CENPU: variants seen among roughly 807,000 people sequenced by gnomAD.
The protein encoded by CENPU is KSHV latent nuclear antigen interacting protein 1.
In CENPU, 46 loss-of-function variants were observed where a neutral mutation model predicts 56.7. The ratio of observed to expected loss-of-function variants is 0.81; its 90% CI spans 0.64 to 1.04. The LOEUF is 1.04. CENPU is among the 50% of genes least tolerant of loss of function. The pLI is 0.00. For synonymous variants in CENPU, 166 were observed against 163.0 expected (o/e 1.02, Z -0.14); for missense variants, 510 against 490.1 (o/e 1.04, Z -0.38).
intron 3 of CENPU, among the ~76,000 whole-genome samples, chr4:184,727,215 A>G (rs895173797): frequency 6.6e-6 from 1 of 152,148 alleles, no homozygotes; most frequent in Non-Finnish European, 1.5e-5. Context: ...AGAACCAACT[A>G]TTCTATGTTT....
intron 8 of CENPU, among the ~76,000 whole-genome samples, chr4:184,707,378 C>A (rs1354949772): frequency 6.6e-6 from 1 of 152,088 alleles, no homozygotes; most frequent in Non-Finnish European, 1.5e-5. Flanking sequence ...CCCCTGCCCC[C>A]TGCAGCAACT....
Position 184,698,587 on chromosome 4 carries a change from A to G in CENPU, c.987-784T>C, listed in dbSNP as rs181787764. Among the ~76,000 whole-genome samples, 292 of 152,164 alleles carry G rather than the reference A, an allele frequency of 1.9e-3. 1 individual carries two copies. The highest frequency in any genetic ancestry group is 0.017 in the Middle Eastern group (5 of 292). On this transcript the variant is annotated intron_variant, in intron 11 of 12. Transcript: ENST00000281453. ...TGCCTCAGCCTCTCGAGTAGCTGGG[A>G]TTACAGGTGCCCACACCACGCCCGG...
At position 184,694,423 on chromosome 4, in the gene CENPU, C is replaced by T. The variant is rs1192789863; in HGVS notation, c.*865G>A. On this transcript the variant is annotated 3_prime_UTR_variant, in exon 13 of 13. Coordinates refer to ENST00000281453, the MANE Select transcript of CENPU (RefSeq NM_024629.4). ...TGCATATTCACTTTAGTATCTGTCA[C>T]TTAATACCTTACTTCAACATAGAGT... The T allele has an allele frequency of 7.2e-7, 1 of 1,389,174 alleles. No individual in the cohort carries two copies. The highest frequency in any genetic ancestry group is 2.7e-5 in the East Asian group (1 of 37,232). The allele number at this position is 1,389,174 out of a possible 1,614,324, so 86.1% of individuals were successfully genotyped here.
Position 184,728,990 on chromosome 4 carries a change from C to G in CENPU, c.142G>C (p.Asp48His). The G allele has an allele frequency of 1.9e-6, 3 of 1,614,126 alleles. No homozygotes were observed. Among genetic ancestry groups the G allele is most frequent in the Non-Finnish European group, 2.5e-6 (3 of 1,180,020 alleles). The part of the protein sequence containing the change: ...CKPIDVFDFP[D>H]NSDVSSIGRL... ...CCAATGCTTGAGACATCAGAATTAT[C>G]AGGAAAGTCGAACACGTCAATAGGC... The change falls in exon 3 of 13, where the codon GAT (aspartate) becomes CAT (histidine). Residue 48 changes from aspartate (D) to histidine (H), a missense_variant. By Grantham distance (81) the Asp-to-His change is moderately conservative. Coordinates refer to ENST00000281453, the MANE Select transcript of CENPU (RefSeq NM_024629.4).
At position 184,733,877 on chromosome 4, in the gene CENPU, C is replaced by A. The variant is rs1579806480; in HGVS notation, c.47+139G>T. 4.4e-6 allele frequency: 5 copies of A among 1,142,396 alleles called. No individual in the cohort carries two copies. In the East Asian group the frequency reaches 9.5e-5, roughly 22 times the overall value. 70.8% of individuals were successfully genotyped at this position (1,142,396 alleles called of 1,614,324 possible). ...ATCCCCACTAGACTGAGGAGGAAGC[C>A]GGGGACCCGGGCGATTGGCCACTCG... On this transcript the variant is annotated intron_variant, in intron 1 of 12. Transcript: ENST00000281453.
chr4:184,698,506 A>G (rs1760417025), intron 11 of CENPU, among the ~76,000 whole-genome samples: 1 of 152,126 alleles, frequency 6.6e-6, no homozygotes, highest in Non-Finnish European at 1.5e-5. Context: ...CTGGGAGTGC[A>G]GTGGCGTGAT....
intron 8 of CENPU, among the ~76,000 whole-genome samples, chr4:184,702,973 T>C (rs1030028601): frequency 2.6e-5 from 4 of 152,198 alleles, no homozygotes; most frequent in Non-Finnish European, 2.9e-5. Context: ...CAACCCACAG[T>C]TGATGGGCAC....
chr4:184,730,772 C>T (rs971966705), intron 2 of CENPU, 148 bp downstream of exon 2: 1 of 539,436 alleles, frequency 1.9e-6, no homozygotes, highest in African/African-American at 2.0e-5. Context: ...ATCCACTATA[C>T]CGGAAAAAGT....
intron 12 of CENPU, among the ~76,000 whole-genome samples, chr4:184,696,411 C>G (rs1760313428): frequency 6.6e-6 from 1 of 152,172 alleles, no homozygotes; most frequent in Admixed American, 6.5e-5. Flanking sequence ...GTGTTCCAAA[C>G]AAGGCAGAGA....
intron 3 of CENPU, among the ~76,000 whole-genome samples, chr4:184,725,348 C>A (rs906450324): frequency 6.6e-6 from 1 of 152,194 alleles, no homozygotes; most frequent in African/African-American, 2.4e-5. Context: ...CTCTGCCGCC[C>A]AGCCTGGAGT....
intron 4 of CENPU, among the ~76,000 whole-genome samples, chr4:184,718,495 C>T (rs1044658421): frequency 2.6e-5 from 4 of 152,272 alleles, no homozygotes; most frequent in Non-Finnish European, 4.4e-5. Flanking sequence ...AGGAGGTGGA[C>T]GTAGGAGTGA....
chr4:184,733,050 C>G (rs1474993358), intron 1 of CENPU, among the ~76,000 whole-genome samples: 1 of 150,600 alleles, frequency 6.6e-6, no homozygotes, highest in African/African-American at 2.4e-5. Context: ...GAGGCATGAA[C>G]AGATTTCATG....
At chr4:184,697,288 G>A (rs1760372238) in intron 12 of CENPU, among the ~76,000 whole-genome samples, 1 of 152,152 alleles carries the variant, frequency 6.6e-6, no homozygotes, top group South Asian at 2.1e-4. Flanking sequence ...AGAAGAGGCT[G>A]GTCTTTCGAA....
intron 6 of CENPU, among the ~76,000 whole-genome samples, chr4:184,714,808 CATCAAAA>C (rs1378111846): frequency 6.6e-6 from 1 of 152,110 alleles, no homozygotes; most frequent in Non-Finnish European, 1.5e-5. Context: ...TTTAAAATTA[CATCAAAA>C]GTCAATGGAC....
intron 4 of CENPU, among the ~76,000 whole-genome samples, chr4:184,718,677 A>G (rs776433339): frequency 1.3e-5 from 2 of 152,198 alleles, no homozygotes; most frequent in Non-Finnish European, 2.9e-5. Context: ...TGTGGAGAGG[A>G]GAAACGGATT....
At chr4:184,727,386 T>G (rs980855642) in intron 3 of CENPU, among the ~76,000 whole-genome samples, 1 of 152,156 alleles carries the variant, frequency 6.6e-6, no homozygotes, top group South Asian at 2.1e-4. Context: ...GTGAATGTAT[T>G]TATCTGCTAC....
At chr4:184,712,911 A>G (rs368911838) in intron 7 of CENPU, 33 bp downstream of exon 7, 4 of 1,385,122 alleles carry the variant, frequency 2.9e-6, no homozygotes, top group Non-Finnish European at 4.0e-6. Flanking sequence ...AAATTCCTGA[A>G]TGAGTGACAA....
At chr4:184,703,689 G>A (rs987981691) in intron 8 of CENPU, among the ~76,000 whole-genome samples, 4 of 152,150 alleles carry the variant, frequency 2.6e-5, no homozygotes, top group Non-Finnish European at 5.9e-5. Context: ...TTGAAAGCAC[G>A]GACTTGAATA....
intron 11 of CENPU, chr4:184,699,725 A>G (rs769737670): frequency 9.2e-6 from 7 of 760,274 alleles, no homozygotes; most frequent in South Asian, 1.5e-5. Flanking sequence ...CACTGGCACA[A>G]TCTCGGCTCC....
Sources: allele counts gnomAD v4.1 joint callset (sites outside exome capture counted in the v4.1 genomes callset), GRCh38; gene constraint gnomAD v4.1.1; transcripts MANE v1.5; gene names NCBI Gene and HGNC (gene_info 2026-07-23, HGNC 2026-07-21).